CAMKMT: variants seen among roughly 807,000 people sequenced by gnomAD.
The protein encoded by CAMKMT is CaM KMT.
In CAMKMT, 53 loss-of-function variants were observed where a neutral mutation model predicts 48.0. The observed-to-expected ratio is 1.10, with a 90% CI of 0.89 to 1.39. The LOEUF is 1.39. CAMKMT is among the 40% of genes most tolerant of loss of function. The pLI, the probability that CAMKMT is intolerant of heterozygous loss-of-function variation, is 0.00. For missense variants in CAMKMT, 428 were observed against 402.7 expected (o/e 1.06, Z -0.54); for synonymous variants, 165 against 152.3 (o/e 1.08, Z -0.61).
At chr2:44,768,361 A>ATATATATATATATATATATATATTT (rs35058824) in intron 10 of CAMKMT, among the ~76,000 whole-genome samples, 3 of 115,740 alleles carry the variant, frequency 2.6e-5, no homozygotes, top group African/African-American at 1.1e-4. Context: ...ATATATATAT[A>ATATATATATATATATATATATATTT]TTTTTTTTTT....
chr2:44,592,147 G>C (rs1186471915), intron 3 of CAMKMT, among the ~76,000 whole-genome samples: 4 of 151,808 alleles, frequency 2.6e-5, no homozygotes, highest in Non-Finnish European at 5.9e-5. Context: ...ACACCAGCAT[G>C]GCACATGTAT....
chr2:44,660,750 G>A (rs1372817976), intron 3 of CAMKMT, among the ~76,000 whole-genome samples: 2 of 152,060 alleles, frequency 1.3e-5, no homozygotes, highest in South Asian at 2.1e-4. Flanking sequence ...TGGGACTATG[G>A]GCACACACTA....
chr2:44,548,724 A>T (rs1667539653), intron 3 of CAMKMT, among the ~76,000 whole-genome samples: 1 of 152,198 alleles, frequency 6.6e-6, no homozygotes, highest in African/African-American at 2.4e-5. Context: ...GCTACGTAGC[A>T]AGGAATTTTT....
chr2:44,519,616 G>C (rs1178828800), intron 3 of CAMKMT, among the ~76,000 whole-genome samples: 2 of 152,120 alleles, frequency 1.3e-5, no homozygotes, highest in African/African-American at 4.8e-5. Context: ...ACTTCAGAAA[G>C]GAAAGAGTTG....
intron 3 of CAMKMT, among the ~76,000 whole-genome samples, chr2:44,421,938 G>A (rs1011963448): frequency 2.0e-5 from 3 of 152,176 alleles, no homozygotes; most frequent in Non-Finnish European, 2.9e-5. Flanking sequence ...ATATTTTGAA[G>A]GCTGGAAAAT....
At chr2:44,395,213 T>C (rs1202851923) in intron 3 of CAMKMT, among the ~76,000 whole-genome samples, 1 of 152,154 alleles carries the variant, frequency 6.6e-6, no homozygotes, top group Admixed American at 6.6e-5. Context: ...AGCTTGGATT[T>C]TAAAATGCTA....
chr2:44,389,020 A>T (rs934606422), intron 2 of CAMKMT, among the ~76,000 whole-genome samples: 1 of 152,102 alleles, frequency 6.6e-6, no homozygotes. Flanking sequence ...GAGAGCATCA[A>T]CTGTAGTAAT....
intron 3 of CAMKMT, among the ~76,000 whole-genome samples, chr2:44,598,978 C>T (rs1386886244): frequency 5.3e-5 from 8 of 151,882 alleles, no homozygotes; most frequent in Admixed American, 5.2e-4. Flanking sequence ...GCATTTTTGT[C>T]TGTGCAGGGC....
chr2:44,447,311 G>A (rs1067406), intron 3 of CAMKMT, among the ~76,000 whole-genome samples: 92,909 of 151,930 alleles, frequency 0.61, 29,184 homozygotes, highest in Admixed American at 0.69. Context: ...TATTCTCCTC[G>A]TTTTATGTAA....
intron 3 of CAMKMT, among the ~76,000 whole-genome samples, chr2:44,536,049 G>A (rs902698787): frequency 8.5e-5 from 13 of 152,088 alleles, no homozygotes; most frequent in Non-Finnish European, 5.9e-5. Context: ...AAAATCAGTA[G>A]CATTTCTATA....
chr2:44,702,987 C>CCAT (rs1389297310), intron 3 of CAMKMT, among the ~76,000 whole-genome samples: 3 of 152,240 alleles, frequency 2.0e-5, no homozygotes, highest in Non-Finnish European at 2.9e-5. Flanking sequence ...TGCATTAAGA[C>CCAT]CATCAGCAGA....
chr2:44,749,950 G>C (rs1680085362), intron 8 of CAMKMT, among the ~76,000 whole-genome samples: 1 of 152,178 alleles, frequency 6.6e-6, no homozygotes, highest in African/African-American at 2.4e-5. Context: ...ATGGGAGTAG[G>C]GGGCCTTACT....
intron 3 of CAMKMT, among the ~76,000 whole-genome samples, chr2:44,606,837 G>T (rs1671314560): frequency 6.6e-6 from 1 of 150,424 alleles, no homozygotes; most frequent in Non-Finnish European, 1.5e-5. Flanking sequence ...TACTGTGAGA[G>T]TTCAGTTTAT....
At chr2:44,408,315 C>A (rs1085442) in intron 3 of CAMKMT, among the ~76,000 whole-genome samples, 95,227 of 151,794 alleles carry the variant, frequency 0.63, 31,157 homozygotes, top group South Asian at 0.79. Flanking sequence ...TGAGCCACCG[C>A]GCCTGGCCGT....
chr2:44,499,054 A>G lies in CAMKMT; in HGVS notation c.376+108749A>G, dbSNP rs567291570. 2.6e-5 allele frequency among the ~76,000 whole-genome samples: 4 copies of G among 152,324 alleles called. No homozygotes were observed. The South Asian group carries it at 6.2e-4, about 24-fold the overall frequency. ...CTCTTTTATTGTAAGAGATCTTATT[A>G]CTTAAGACGAGTTGCAATTCTGAGA... On this transcript the variant is annotated intron_variant, in intron 3 of 10. Transcript: ENST00000378494.
At chr2:44,619,689 G>T (rs1019304292) in intron 3 of CAMKMT, among the ~76,000 whole-genome samples, 1 of 152,134 alleles carries the variant, frequency 6.6e-6, no homozygotes, top group African/African-American at 2.4e-5. Context: ...TTTATAGCTA[G>T]CTCCTTGGCA....
At chr2:44,595,300 G>C (rs1025073776) in intron 3 of CAMKMT, among the ~76,000 whole-genome samples, 1 of 152,086 alleles carries the variant, frequency 6.6e-6, no homozygotes, top group Non-Finnish European at 1.5e-5. Flanking sequence ...TCCCGTTACT[G>C]GGTATATACC....
chr2:44,683,822 C>CAAAAAAAAAAAAAAA (rs10644183), intron 3 of CAMKMT, among the ~76,000 whole-genome samples: 6 of 70,904 alleles, frequency 8.5e-5, no homozygotes, highest in South Asian at 6.6e-4. Context: ...GACTCTGTCT[C>CAAAAAAAAAAAAAAA]AAAAAAAAAA....
chr2:44,464,717 A>G (rs998741032), intron 3 of CAMKMT, among the ~76,000 whole-genome samples: 5 of 152,214 alleles, frequency 3.3e-5, no homozygotes, highest in African/African-American at 7.2e-5. Context: ...ATAATACTGT[A>G]TCTGGCAAAA....
Sources: gnomAD v4.1 joint callset for allele counts (sites outside exome capture counted in the v4.1 genomes callset) on GRCh38, gnomAD v4.1.1 for gene constraint, MANE v1.5 for transcripts, NCBI Gene and HGNC (gene_info 2026-07-23, HGNC 2026-07-21) for gene names.